The following NEIL3 variants were observed in gnomAD, a reference collection of about 807,000 sequenced individuals.
NEIL3 encodes the protein endonuclease 8-like 3.
A neutral mutation model predicts 57.5 loss-of-function variants in NEIL3; 48 were observed. The observed-to-expected ratio is 0.83, with a 90% CI of 0.66 to 1.06. The LOEUF is 1.06. Among genes scored for constraint, NEIL3 ranks in the 50% least tolerant of loss-of-function variants. The probability of loss-of-function intolerance (pLI) is 0.00; values close to 1 mark genes in which losing one functional copy is unlikely to be tolerated. For synonymous variants in NEIL3, 261 were observed against 253.2 expected, an observed-to-expected ratio of 1.03 and a Z score of -0.29; for missense variants, 717 against 739.1, an observed-to-expected ratio of 0.97 and a Z score of 0.35.
chr4:177,341,039 T>G (rs1735080719), intron 5 of NEIL3, among the ~76,000 whole-genome samples: 1 of 152,168 alleles, frequency 6.6e-6, no homozygotes, highest in Non-Finnish European at 1.5e-5. Flanking sequence ...CCCCTAGAAT[T>G]AAGTTTTTTG....
chr4:177,350,029 G>A (rs1009866711), intron 6 of NEIL3, among the ~76,000 whole-genome samples: 4 of 152,136 alleles, frequency 2.6e-5, no homozygotes, highest in Admixed American at 2.6e-4. Context: ...ATACTGAGTG[G>A]CATTAAAAGT....
intron 1 of NEIL3, among the ~76,000 whole-genome samples, chr4:177,315,256 A>G (rs191327591): frequency 6.6e-6 from 1 of 152,312 alleles, no homozygotes; most frequent in Admixed American, 6.5e-5. Flanking sequence ...TTTCTTGTCC[A>G]TCCATGGATA....
downstream of NEIL3, among the ~76,000 whole-genome samples, chr4:177,364,106 A>C (rs984734087): frequency 1.3e-5 from 2 of 152,214 alleles, no homozygotes; most frequent in Non-Finnish European, 2.9e-5. Context: ...AAACAAGAAC[A>C]AAAACAAGTT....
chr4:177,332,764 G>T (rs1446132940), intron 2 of NEIL3, among the ~76,000 whole-genome samples: 3 of 152,104 alleles, frequency 2.0e-5, no homozygotes, highest in Non-Finnish European at 4.4e-5. Context: ...GCAGTTTTCT[G>T]CTTTCCCATT....
chr4:177,318,887 A>G (rs1280597743), intron 1 of NEIL3, among the ~76,000 whole-genome samples: 1 of 152,222 alleles, frequency 6.6e-6, no homozygotes, highest in Non-Finnish European at 1.5e-5. Context: ...GATGCATCCC[A>G]AGCATCTAGA....
At chr4:177,321,055 G>C (rs917074060) in intron 1 of NEIL3, among the ~76,000 whole-genome samples, 2 of 151,732 alleles carry the variant, frequency 1.3e-5, no homozygotes, top group Admixed American at 1.3e-4. Context: ...ATAAAGAATA[G>C]AGTGGACATG....
At chr4:177,323,928 C>A (rs535112884) in intron 2 of NEIL3, among the ~76,000 whole-genome samples, 4 of 152,286 alleles carry the variant, frequency 2.6e-5, no homozygotes, top group Non-Finnish European at 5.9e-5. Flanking sequence ...AGTGCCCTCC[C>A]TGGAGAGTAC....
At chr4:177,330,483 GAAGAT>G (rs1422709696) in intron 2 of NEIL3, among the ~76,000 whole-genome samples, 1 of 151,972 alleles carries the variant, frequency 6.6e-6, no homozygotes, top group Non-Finnish European at 1.5e-5. Flanking sequence ...CGGAAATAAT[GAAGAT>G]AAGAACAGAA....
intron 8 of NEIL3, among the ~76,000 whole-genome samples, chr4:177,355,843 T>A (rs549527210): frequency 6.6e-6 from 1 of 152,334 alleles, no homozygotes; most frequent in African/African-American, 2.4e-5. Flanking sequence ...CATCAGTTAA[T>A]CCTGATGATT....
the NEIL3 span, among the ~76,000 whole-genome samples, chr4:177,371,240 C>T: frequency 1.3e-5 from 2 of 152,152 alleles, no homozygotes; most frequent in African/African-American, 4.8e-5. Context: ...TCTTGGTTTA[C>T]CTATTAATAA....
chr4:177,370,636 C>T, the NEIL3 span, among the ~76,000 whole-genome samples: 23 of 152,220 alleles, frequency 1.5e-4, no homozygotes, highest in Non-Finnish European at 3.2e-4. Context: ...TGCAGTGGCT[C>T]ATGCCTGTAA....
intron 5 of NEIL3, 30 bp downstream of exon 5, chr4:177,339,887 A>G (rs1735057316): frequency 1.5e-6 from 2 of 1,320,086 alleles, no homozygotes; most frequent in Non-Finnish European, 2.1e-6. Context: ...ACTGTGTAAA[A>G]TGTAAAATGT....
chr4:177,325,647 T>C (rs1734766725), intron 2 of NEIL3, among the ~76,000 whole-genome samples: 1 of 152,108 alleles, frequency 6.6e-6, no homozygotes, highest in African/African-American at 2.4e-5. Flanking sequence ...TTCTTAAAAG[T>C]GGTGGTACCA....
Position 177,360,577 on chromosome 4 carries a change from G to T in NEIL3, c.1535G>T (p.Arg512Leu), listed in dbSNP as rs372757317. The T allele has an allele frequency of 1.9e-6, 3 of 1,613,746 alleles. No individual in the cohort carries two copies. Among genetic ancestry groups the T allele is most frequent in the African/African-American group, 2.7e-5 (2 of 74,910 alleles). ...AGCCCTCGCTGCAGTAAACACAACC[G>T]CCTCTGCATTCTCCGAGTTGTGGGG... ...PDSPRCSKHNRLCILRVVGKD... is the reference protein window; with the variant it reads ...PDSPRCSKHNLLCILRVVGKD... Residue 512 changes from arginine to leucine, a missense_variant, in exon 9 of 10, where the codon CGC becomes CTC. Transcript: ENST00000264596.
chr4:177,356,781 A>G (rs1560922304), intron 8 of NEIL3, among the ~76,000 whole-genome samples: 1 of 152,174 alleles, frequency 6.6e-6, no homozygotes, highest in Non-Finnish European at 1.5e-5. Context: ...CTATTGGCTT[A>G]TAAATTAGAT....
chr4:177,354,373 G>A (rs909654941), intron 8 of NEIL3: 9 of 151,528 alleles, frequency 5.9e-5, no homozygotes, highest in African/African-American at 1.9e-4. Flanking sequence ...TAACCAGTTA[G>A]CATTTTTTAA....
In NEIL3 at chr4:177,310,056, C is replaced by T; in HGVS notation, c.103C>T (p.Leu35=). Residue 35 remains leucine, a synonymous_variant, in exon 1 of 10, where the codon CTG becomes TTG. Coordinates refer to ENST00000264596, the MANE Select transcript of NEIL3 (RefSeq NM_018248.3). The stretch of plus-strand genomic sequence containing the variant: ...CGTGCGGGGAAGCGCTCTGCGGAGT[C>T]TGCAGGGCCGCGCCTTGCGGCTCGC... ...TGVRGSALRS[L]QGRALRLAAS... The T allele has an allele frequency of 6.2e-7, 1 of 1,604,532 alleles. No homozygotes were observed.
In NEIL3 at chr4:177,309,884, C is replaced by G. The variant is rs996084528; in HGVS notation, c.-70C>G. ...CCTCTGCGTGCGGTCAGTGCCCGCG[C>G]AGCGTTGAGTTGCACAGCGGTATTC... On this transcript the variant is annotated 5_prime_UTR_variant, in exon 1 of 10. Transcript: ENST00000264596. 3.9e-6 allele frequency: 6 copies of G among 1,536,472 alleles called. No individual in the cohort carries two copies. The highest frequency in any genetic ancestry group is 1.4e-5 in the African/African-American group (1 of 70,376).
In NEIL3 at chr4:177,309,989, G is replaced by A. The variant is rs781748349; in HGVS notation, c.36G>A (p.Glu12=). The A allele has an allele frequency of 5.6e-6, 9 of 1,610,888 alleles. No homozygotes were observed. In the East Asian group the frequency reaches 1.3e-4, roughly 24 times the overall value. Residue 12 remains glutamate, a synonymous_variant, in exon 1 of 10, where the codon GAG becomes GAA. Coordinates refer to ENST00000264596, the MANE Select transcript of NEIL3 (RefSeq NM_018248.3). The part of the protein sequence containing the change: ...VEGPGCTLNG[E]KIRARVLPGQ... ...GACCAGGCTGTACTCTGAATGGAGA[G>A]AAGATTCGCGCGCGGGTGCTCCCGG...
Sources: gnomAD v4.1 joint callset for allele counts (sites outside exome capture counted in the v4.1 genomes callset) on GRCh38, gnomAD v4.1.1 for gene constraint, MANE v1.5 for transcripts, NCBI Gene and HGNC (gene_info 2026-07-23, HGNC 2026-07-21) for gene names.